Variants in DRC8 observed in about 807,000 individuals in gnomAD.
The protein encoded by DRC8 is dynein regulatory complex protein 8.
At chr1:245,059,610 C>A in the DRC8 span, 1 of 584,034 alleles carries the variant, frequency 1.7e-6, no homozygotes, top group Non-Finnish European at 2.9e-6. Flanking sequence ...TCATATTAGC[C>A]AACCAACAAA....
At chr1:245,010,681 CTTTTTTTTTT>C in the DRC8 span, among the ~76,000 whole-genome samples, 1 of 127,232 alleles carries the variant, frequency 7.9e-6, no homozygotes, top group African/African-American at 3.0e-5. Flanking sequence ...CTTTTTCTTT[CTTTTTTTTTT>C]TTTTTTTTGA....
the DRC8 span, among the ~76,000 whole-genome samples, chr1:245,044,418 C>G: frequency 1.3e-5 from 2 of 152,082 alleles, no homozygotes; most frequent in African/African-American, 4.8e-5. Context: ...AAAAACTTAA[C>G]AAAAGAAGGA....
At chr1:245,061,641 G>A in the DRC8 span, among the ~76,000 whole-genome samples, 1 of 152,248 alleles carries the variant, frequency 6.6e-6, no homozygotes, top group South Asian at 2.1e-4. Context: ...ATAAATACAA[G>A]TATGTATTTG....
chr1:244,984,351 C>T, the DRC8 span, among the ~76,000 whole-genome samples: 777 of 152,162 alleles, frequency 5.1e-3, 4 homozygotes, highest in African/African-American at 0.017. Context: ...TATCCTGTTA[C>T]AGTGGAAATG....
the DRC8 span, among the ~76,000 whole-genome samples, chr1:245,040,859 T>C: frequency 6.6e-6 from 1 of 152,234 alleles, no homozygotes; most frequent in African/African-American, 2.4e-5. Flanking sequence ...TGTTAGAATA[T>C]AGCAATGAAA....
chr1:245,113,238 G>T, the DRC8 span, among the ~76,000 whole-genome samples: 4 of 152,200 alleles, frequency 2.6e-5, no homozygotes, highest in Non-Finnish European at 4.4e-5. Context: ...AGCCAAGTAA[G>T]ACATGATGAA....
chr1:245,015,432 C>G, the DRC8 span, among the ~76,000 whole-genome samples: 3 of 152,096 alleles, frequency 2.0e-5, no homozygotes, highest in African/African-American at 7.2e-5. Context: ...CAGAATCTGC[C>G]GGGCGCGGTG....
the DRC8 span, among the ~76,000 whole-genome samples, chr1:245,054,533 C>T: frequency 1.3e-5 from 2 of 152,174 alleles, no homozygotes; most frequent in Non-Finnish European, 2.9e-5. Context: ...GGATGACTTT[C>T]CATTTTTTTT....
chr1:245,116,150 A>G, the DRC8 span, among the ~76,000 whole-genome samples: 1 of 152,024 alleles, frequency 6.6e-6, no homozygotes, highest in Non-Finnish European at 1.5e-5. Flanking sequence ...AGTCTCTCAA[A>G]GTGCTAGGAT....
At chr1:245,011,562 TG>T in the DRC8 span, among the ~76,000 whole-genome samples, 3 of 152,216 alleles carry the variant, frequency 2.0e-5, no homozygotes, top group Non-Finnish European at 4.4e-5. Context: ...CTGAAATGCC[TG>T]GGACCTCCAA....
chr1:245,067,624 AT>A, the DRC8 span, among the ~76,000 whole-genome samples: 3 of 152,048 alleles, frequency 2.0e-5, no homozygotes, highest in Admixed American at 6.5e-5. Context: ...GTATCCTTGG[AT>A]TTTTTTTCTT....
At chr1:244,970,209 T>TC in the DRC8 span, 3 of 749,000 alleles carry the variant, frequency 4.0e-6, no homozygotes, top group East Asian at 2.8e-5. Flanking sequence ...CCTCTGGTCT[T>TC]CCCCCAGCGC....
chr1:245,041,863 T>C, the DRC8 span, among the ~76,000 whole-genome samples: 1 of 152,026 alleles, frequency 6.6e-6, no homozygotes, highest in African/African-American at 2.4e-5. Flanking sequence ...AAGTGGCGCC[T>C]ACAAATTGAG....
At chr1:244,990,604 G>A in the DRC8 span, among the ~76,000 whole-genome samples, 5 of 152,042 alleles carry the variant, frequency 3.3e-5, no homozygotes, top group South Asian at 2.1e-4. Flanking sequence ...AGCTCTTTTC[G>A]CTGGCTCCTA....
chr1:245,113,473 G>A, the DRC8 span, among the ~76,000 whole-genome samples: 1 of 152,144 alleles, frequency 6.6e-6, no homozygotes, highest in Non-Finnish European at 1.5e-5. Flanking sequence ...TCTGCACTGT[G>A]CTAAGTACTG....
chr1:245,006,359 T>G, the DRC8 span, among the ~76,000 whole-genome samples: 1 of 152,114 alleles, frequency 6.6e-6, no homozygotes, highest in Non-Finnish European at 1.5e-5. Flanking sequence ...CCTCCCAGCC[T>G]GGAGTGCAAT....
At chr1:245,061,839 C>T in the DRC8 span, among the ~76,000 whole-genome samples, 1 of 152,186 alleles carries the variant, frequency 6.6e-6, no homozygotes, top group Non-Finnish European at 1.5e-5. Context: ...GGCACAGCAG[C>T]TCACGCCTGC....
chr1:245,105,075 C>T, the DRC8 span, among the ~76,000 whole-genome samples: 9 of 152,310 alleles, frequency 5.9e-5, no homozygotes, highest in South Asian at 2.1e-4. Context: ...CTGTATTTCC[C>T]GTAGACCAAT....
chr1:245,095,775 A>T, the DRC8 span, among the ~76,000 whole-genome samples: 1 of 152,144 alleles, frequency 6.6e-6, no homozygotes, highest in Non-Finnish European at 1.5e-5. Flanking sequence ...CTAGTAGTTA[A>T]ATCTTAATTT....
Sources: gnomAD v4.1 joint callset for allele counts (sites outside exome capture counted in the v4.1 genomes callset) on GRCh38, gnomAD v4.1.1 for gene constraint, MANE v1.5 for transcripts, NCBI Gene and HGNC (gene_info 2026-07-23, HGNC 2026-07-21) for gene names.